The following ERP44 variants were observed in gnomAD, a reference collection of about 807,000 sequenced individuals.
ERP44 encodes endoplasmic reticulum protein 44, also known as endoplasmic reticulum resident protein 44.
ERP44 carries 25 observed loss-of-function variants against 53.4 expected under a neutral mutation model. The observed-to-expected ratio is 0.47, with a 90% CI of 0.34 to 0.65. The LOEUF (loss-of-function observed/expected upper bound fraction) is 0.65, where lower values mean the gene tolerates loss of function less well. Among genes scored for constraint, ERP44 ranks in the 30% least tolerant of loss-of-function variants. The probability of loss-of-function intolerance (pLI) is 0.01; values close to 1 mark genes in which losing one functional copy is unlikely to be tolerated. For missense variants in ERP44, 338 were observed against 493.2 expected, an observed-to-expected ratio of 0.69 and a Z score of 2.98; for synonymous variants, 145 against 161.2, an observed-to-expected ratio of 0.90 and a Z score of 0.76.
rs551958267 is a variant in ERP44 at position 99,981,969 on chromosome 9, A to G, written c.*643T>C. The stretch of plus-strand genomic sequence containing the variant: ...TAGACAAACACAGAAGCTTAATAAT[A>G]CTTTTCATTTTCTTTTTCTTGTTTC... On this transcript the variant is annotated 3_prime_UTR_variant, in exon 12 of 12. Coordinates refer to ENST00000262455, the MANE Select transcript of ERP44 (RefSeq NM_015051.3). 1 of 152,530 alleles carries G rather than the reference A, an allele frequency of 6.6e-6. No homozygotes were observed. Among genetic ancestry groups the G allele is most frequent in the South Asian group, 2.1e-4 (1 of 4,830 alleles). The allele number at this position is 152,530 out of a possible 1,614,324, so 9.4% of individuals were successfully genotyped here.
chr9:100,020,585 C>T, intron 6 of ERP44, 31 bp downstream of exon 6: 1 of 1,126,600 alleles, frequency 8.9e-7, no homozygotes, highest in Non-Finnish European at 1.3e-6. Flanking sequence ...GCCAACCAAC[C>T]CACTAACACA....
intron 9 of ERP44, among the ~76,000 whole-genome samples, chr9:100,007,151 C>T (rs1280087895): frequency 6.6e-6 from 1 of 152,232 alleles, no homozygotes; most frequent in Non-Finnish European, 1.5e-5. Context: ...GGTGACACCT[C>T]AAATTCCATT....
intron 10 of ERP44, among the ~76,000 whole-genome samples, chr9:100,002,209 T>C (rs1267695079): frequency 1.3e-5 from 2 of 152,096 alleles, no homozygotes; most frequent in East Asian, 3.8e-4. Context: ...TCTTTTTATA[T>C]TGTGTATCCC....
At chr9:100,083,089 A>C (rs1458097820) in intron 1 of ERP44, among the ~76,000 whole-genome samples, 3 of 152,074 alleles carry the variant, frequency 2.0e-5, no homozygotes, top group Non-Finnish European at 4.4e-5. Flanking sequence ...AGAAAGAGAA[A>C]AGAAACTGAG....
chr9:100,040,853 A>C (rs1324348551), intron 4 of ERP44, among the ~76,000 whole-genome samples: 1 of 152,188 alleles, frequency 6.6e-6, no homozygotes, highest in Non-Finnish European at 1.5e-5. Flanking sequence ...TAGCATTTTT[A>C]TACGCTAACA....
chr9:100,077,123 C>A (rs540028591), intron 1 of ERP44, among the ~76,000 whole-genome samples: 6 of 152,328 alleles, frequency 3.9e-5, no homozygotes, highest in South Asian at 2.1e-4. Flanking sequence ...TTTGTCCTCA[C>A]TGGAATAGAC....
intron 1 of ERP44, among the ~76,000 whole-genome samples, chr9:100,063,803 T>G (rs757993223): frequency 1.6e-4 from 25 of 152,212 alleles, no homozygotes; most frequent in Non-Finnish European, 3.4e-4. Flanking sequence ...CTCATTTTCT[T>G]GCCAAGAAAG....
chr9:99,999,005 C>G (rs1274037529), intron 10 of ERP44: 1 of 1,125,524 alleles, frequency 8.9e-7, no homozygotes, highest in African/African-American at 1.5e-5. Flanking sequence ...TGGAAGTAGT[C>G]GTGCGTGGGC....
rs541991453 is a variant in ERP44, at chr9:99,999,053, G to A, written c.1016+7453C>T. ...TGCTCCTTGGTGAGGCCCGGGGCAG[G>A]AGGCGGATGACCGCCTGCAGGGAGC... On this transcript the variant is annotated intron_variant, in intron 10 of 11. Transcript: ENST00000262455. The A allele has an allele frequency of 3.0e-4, 229 of 774,758 alleles. No homozygotes were observed. The African/African-American group carries it at 3.4e-3, about 12-fold the overall frequency. The allele number at this position is 774,758 out of a possible 1,614,324, so 48.0% of individuals were successfully genotyped here. A position where few individuals can be genotyped will look rare whatever the true frequency, so the allele number is the denominator to read the frequency against.
intron 10 of ERP44, among the ~76,000 whole-genome samples, chr9:99,991,480 C>T (rs1216915392): frequency 6.6e-6 from 1 of 152,158 alleles, no homozygotes; most frequent in African/African-American, 2.4e-5. Flanking sequence ...AGAACAAAGA[C>T]AGTGTACCAG....
At chr9:100,067,156 G>GCTCTCCCTCTCGCTCTCCCTCTCC (rs1376315502) in intron 1 of ERP44, among the ~76,000 whole-genome samples, 1 of 151,822 alleles carries the variant, frequency 6.6e-6, no homozygotes, top group African/African-American at 2.4e-5. Context: ...TCTCGCTCTC[G>GCTCTCCCTCTCGCTCTCCCTCTCC]CTCTCCCTCT....
intron 4 of ERP44, among the ~76,000 whole-genome samples, chr9:100,024,304 T>G (rs2118660204): frequency 6.7e-6 from 1 of 148,730 alleles, no homozygotes; most frequent in East Asian, 2.0e-4. Context: ...AGATCTCTGT[T>G]TGCTGCTAAG....
At chr9:100,048,738 A>G (rs1368021057) in intron 4 of ERP44, among the ~76,000 whole-genome samples, 1 of 152,242 alleles carries the variant, frequency 6.6e-6, no homozygotes, top group Non-Finnish European at 1.5e-5. Context: ...CCTTGCGGAC[A>G]TTATGCTAAG....
At chr9:99,996,938 T>C (rs1017588303) in intron 10 of ERP44, among the ~76,000 whole-genome samples, 49 of 25,358 alleles carry the variant, frequency 1.9e-3, no homozygotes, top group Non-Finnish European at 2.3e-3. Context: ...TATATACACA[T>C]ACATATACAC....
Position 100,098,969 on chromosome 9 carries a change from G to C in ERP44, c.-129C>G, listed in dbSNP as rs750925952. On this transcript the variant is annotated 5_prime_UTR_variant, in exon 1 of 12. Transcript: ENST00000262455. ...AGGATTCTCCAGGCAGCGGCACCTC[G>C]TCCTCTCGACCCGGGCTCCAGCGGC... 8.5e-6 allele frequency: 6 copies of C among 702,818 alleles called. No individual in the cohort carries two copies. The highest frequency in any genetic ancestry group is 1.5e-5 in the Non-Finnish European group (6 of 407,208). 43.5% of individuals were successfully genotyped at this position (702,818 alleles called of 1,614,324 possible).
At chr9:100,016,459 A>G in intron 7 of ERP44, 21 bp from the exon 8 acceptor site, 1 of 1,573,824 alleles carries the variant, frequency 6.4e-7, no homozygotes, top group Non-Finnish European at 8.6e-7. Flanking sequence ...ACAGAAAAAA[A>G]AAATTAAATC....
At chr9:99,985,106 A>G (rs1240498495) in intron 10 of ERP44, 37 bp from the exon 11 acceptor site, 1 of 1,379,296 alleles carries the variant, frequency 7.3e-7, no homozygotes, top group African/African-American at 1.4e-5. Flanking sequence ...AACTGTTAAA[A>G]TGGACTTATC....
At chr9:100,056,278 C>T (rs575496193) in intron 3 of ERP44, among the ~76,000 whole-genome samples, 12 of 152,110 alleles carry the variant, frequency 7.9e-5, no homozygotes, top group Non-Finnish European at 1.5e-4. Context: ...ATCTTGACAA[C>T]CCTAATTTAC....
intron 1 of ERP44, among the ~76,000 whole-genome samples, chr9:100,086,596 T>G (rs144970651): frequency 9.4e-4 from 143 of 152,356 alleles, no homozygotes; most frequent in Admixed American, 7.9e-3. Flanking sequence ...ACATACATTA[T>G]ATCTCAATCT....
Sources: gnomAD v4.1 joint callset for allele counts (sites outside exome capture counted in the v4.1 genomes callset) on GRCh38, gnomAD v4.1.1 for gene constraint, MANE v1.5 for transcripts, NCBI Gene and HGNC (gene_info 2026-07-23, HGNC 2026-07-21) for gene names.